The following ITGA9 variants were observed in gnomAD, a reference collection of about 807,000 sequenced individuals.
ITGA9 encodes integrin alpha-9.
A neutral mutation model predicts 127.8 loss-of-function variants in ITGA9; 56 were observed. That is an observed-to-expected ratio of 0.44 (90% CI 0.35 to 0.55). The LOEUF (loss-of-function observed/expected upper bound fraction) is 0.55. Ranked by LOEUF, ITGA9 falls within the 20% of genes least tolerant of loss-of-function variation. The pLI is 0.00. For synonymous variants in ITGA9, 508 were observed against 514.5 expected (o/e 0.99, Z 0.17); for missense variants, 1,196 against 1,347.1 (o/e 0.89, Z 1.76).
At chr3:37,694,399 G>A (rs1241794947) in intron 18 of ITGA9, among the ~76,000 whole-genome samples, 1 of 152,228 alleles carries the variant, frequency 6.6e-6, no homozygotes, top group Non-Finnish European at 1.5e-5. Flanking sequence ...GAGTGAAACT[G>A]CCTGGGAGAC....
chr3:37,530,831 A>G (rs1461927989), intron 13 of ITGA9, among the ~76,000 whole-genome samples: 1 of 138,504 alleles, frequency 7.2e-6, no homozygotes, highest in African/African-American at 2.8e-5. Context: ...GGCTCACTGC[A>G]AGCTCTGCCT....
At chr3:37,624,096 G>T (rs1700153870) in intron 15 of ITGA9, among the ~76,000 whole-genome samples, 1 of 150,482 alleles carries the variant, frequency 6.6e-6, no homozygotes, top group Non-Finnish European at 1.5e-5. Flanking sequence ...CTGCTTATTT[G>T]CTGACCTTCT....
chr3:37,702,617 G>A (rs1358694810), intron 18 of ITGA9, among the ~76,000 whole-genome samples: 4 of 152,122 alleles, frequency 2.6e-5, no homozygotes, highest in African/African-American at 9.7e-5. Context: ...GCTCTCTGGG[G>A]TTAAGCAGAG....
intron 9 of ITGA9, 26 bp downstream of exon 9, chr3:37,513,926 G>A (rs767354657): frequency 2.5e-5 from 40 of 1,612,100 alleles, no homozygotes; most frequent in African/African-American, 4.0e-5. Flanking sequence ...GGCAATGTGC[G>A]GATGGGTGTG....
intron 18 of ITGA9, among the ~76,000 whole-genome samples, chr3:37,708,848 C>T (rs997289836): frequency 2.6e-5 from 4 of 152,204 alleles, no homozygotes; most frequent in East Asian, 1.9e-4. Context: ...CCCTCTCAGG[C>T]GTATGAATAC....
At chr3:37,718,872 T>A (rs1299630834) in intron 18 of ITGA9, among the ~76,000 whole-genome samples, 3 of 152,160 alleles carry the variant, frequency 2.0e-5, no homozygotes, top group Non-Finnish European at 4.4e-5. Flanking sequence ...TCCAGCACTG[T>A]TATGCAAATT....
intron 10 of ITGA9, 112 bp downstream of exon 10, chr3:37,517,721 T>C (rs750350709): frequency 1.1e-5 from 9 of 797,314 alleles, no homozygotes; most frequent in African/African-American, 1.7e-5. Context: ...CTCCTGGGTC[T>C]ACTGATCCCC....
intron 15 of ITGA9, among the ~76,000 whole-genome samples, chr3:37,570,582 G>A (rs561883119): frequency 6.6e-6 from 1 of 152,318 alleles, no homozygotes; most frequent in East Asian, 1.9e-4. Context: ...TCCCAGAGGA[G>A]GAGGATCTAC....
chr3:37,616,848 C>A (rs1340189214), intron 15 of ITGA9, among the ~76,000 whole-genome samples: 1 of 152,152 alleles, frequency 6.6e-6, no homozygotes, highest in African/African-American at 2.4e-5. Context: ...TATTTTGAGC[C>A]TATGTGTGTC....
intron 22 of ITGA9, chr3:37,748,503 T>TTTGGG: frequency 1.9e-6 from 1 of 514,276 alleles, no homozygotes; most frequent in East Asian, 4.2e-5. Flanking sequence ...ATCCTAACAC[T>TTTGGG]TTGGGAGGCC....
chr3:37,471,351 C>A (rs1223786673), intron 2 of ITGA9, among the ~76,000 whole-genome samples: 4 of 152,072 alleles, frequency 2.6e-5, no homozygotes, highest in African/African-American at 9.7e-5. Context: ...ATCCCTAGTC[C>A]CATAAATTAG....
At chr3:37,731,177 C>T (rs756868768) in intron 18 of ITGA9, among the ~76,000 whole-genome samples, 1 of 152,176 alleles carries the variant, frequency 6.6e-6, no homozygotes, top group African/African-American at 2.4e-5. Context: ...AGAAAAGACT[C>T]ATGCTGTGCA....
At chr3:37,733,027 C>G (rs1415145171) in intron 19 of ITGA9, 11 of 542,844 alleles carry the variant, frequency 2.0e-5, no homozygotes, top group Non-Finnish European at 3.7e-5. Flanking sequence ...CATGATGTAC[C>G]CCAAATGTGA....
chr3:37,556,370 TA>T (rs1232823108), intron 15 of ITGA9, among the ~76,000 whole-genome samples: 5 of 152,220 alleles, frequency 3.3e-5, no homozygotes, highest in African/African-American at 1.2e-4. Context: ...ACTCGTTTCA[TA>T]GTTTTTTGGG....
At chr3:37,771,139 G>A (rs925084985) in intron 23 of ITGA9, among the ~76,000 whole-genome samples, 1 of 152,140 alleles carries the variant, frequency 6.6e-6, no homozygotes, top group Non-Finnish European at 1.5e-5. Flanking sequence ...CGGTAGCCTG[G>A]GAAATAAATG....
chr3:37,543,081 G>A (rs1246939005), intron 15 of ITGA9, among the ~76,000 whole-genome samples: 1 of 152,046 alleles, frequency 6.6e-6, no homozygotes, highest in Admixed American at 6.6e-5. Context: ...GCATTTTTTG[G>A]CAACCTTTCC....
chr3:37,814,566 A>AC lies in ITGA9; in HGVS notation c.3010-4318dup, dbSNP rs576627224. On this transcript the variant is annotated intron_variant, in intron 27 of 27. Coordinates refer to ENST00000264741, the MANE Select transcript of ITGA9 (RefSeq NM_002207.3). This position sits in a 1 kb window ranked among gnomAD's most constrained non-coding sequence, Gnocchi z 4.3. ...GCAACAGAGCGAGACTCCATCCCCCACCCCCCCAAAAAAGAAACAATATTA... is the reference window on the plus strand; with the variant it reads ...GCAACAGAGCGAGACTCCATCCCCCACCCCCCCCAAAAAAGAAACAATATTA... Among the ~76,000 whole-genome samples the AC allele has an allele frequency of 5.3e-5, 8 of 150,684 alleles. No individual in the cohort carries two copies. The highest frequency in any genetic ancestry group is 1.0e-4 in the Non-Finnish European group (7 of 67,580).
chr3:37,465,579 G>A (rs144743171), intron 1 of ITGA9, among the ~76,000 whole-genome samples: 2 of 152,212 alleles, frequency 1.3e-5, no homozygotes, highest in Non-Finnish European at 2.9e-5. Context: ...ACCAGTGTTG[G>A]TGCATGAACC....
intron 7 of ITGA9, among the ~76,000 whole-genome samples, chr3:37,508,244 A>T (rs969479319): frequency 6.6e-6 from 1 of 152,248 alleles, no homozygotes; most frequent in African/African-American, 2.4e-5. Flanking sequence ...TTCAAGAAAC[A>T]AAATACTAGC....
Sources: allele counts gnomAD v4.1 joint callset (sites outside exome capture counted in the v4.1 genomes callset), GRCh38; gene constraint gnomAD v4.1.1; non-coding constraint Gnocchi (gnomAD v3.1); transcripts MANE v1.5; gene names NCBI Gene and HGNC (gene_info 2026-07-23, HGNC 2026-07-21).